GRIP1: variants seen among roughly 807,000 people sequenced by gnomAD.
GRIP1 encodes glutamate receptor-interacting protein 1.
Under a neutral mutation model 129.9 loss-of-function variants are expected in GRIP1, and 45 were observed. The observed-to-expected ratio is 0.35, with a 90% CI of 0.27 to 0.44. GRIP1 has a LOEUF of 0.44. GRIP1 is among the 20% of genes least tolerant of loss of function. GRIP1 has a pLI of 1.00. For synonymous variants in GRIP1, 530 were observed against 520.8 expected (o/e 1.02, Z -0.24); for missense variants, 1,196 against 1,396.8 (o/e 0.86, Z 2.29).
chr12:66,616,916 C>T (rs2065060892), intron 1 of GRIP1, among the ~76,000 whole-genome samples: 1 of 152,050 alleles, frequency 6.6e-6, no homozygotes, highest in African/African-American at 2.4e-5. Flanking sequence ...CAGATGTGAA[C>T]GGAAACCAAA....
At chr12:66,695,885 G>A (rs2035139757) in intron 1 of GRIP1, among the ~76,000 whole-genome samples, 1 of 152,114 alleles carries the variant, frequency 6.6e-6, no homozygotes, top group Non-Finnish European at 1.5e-5. Context: ...GATAAATGAG[G>A]CAGTAGGAAA....
intron 7 of GRIP1, among the ~76,000 whole-genome samples, chr12:66,489,322 T>C (rs1397294332): frequency 1.3e-5 from 2 of 152,130 alleles, no homozygotes; most frequent in Admixed American, 1.3e-4. Context: ...TGGTTTAACA[T>C]ATGAAAATCA....
chr12:66,957,176 A>G (rs1197438562), intron 1 of GRIP1, among the ~76,000 whole-genome samples: 1 of 152,162 alleles, frequency 6.6e-6, no homozygotes, highest in Non-Finnish European at 1.5e-5. Context: ...TGTTCTAAAA[A>G]GAGGATATCA....
intron 13 of GRIP1, among the ~76,000 whole-genome samples, chr12:66,440,537 C>T (rs2058443839): frequency 1.3e-5 from 2 of 152,148 alleles, no homozygotes; most frequent in South Asian, 4.1e-4. Flanking sequence ...TAATTTTTAG[C>T]TCCCACAGTT....
At chr12:66,883,075 T>G (rs1399344465) in intron 1 of GRIP1, among the ~76,000 whole-genome samples, 1 of 152,166 alleles carries the variant, frequency 6.6e-6, no homozygotes, top group Non-Finnish European at 1.5e-5. Context: ...TCTGCTTTGT[T>G]CATTTCTATT....
chr12:66,925,414 T>A (rs1042213122), intron 1 of GRIP1, among the ~76,000 whole-genome samples: 8 of 151,612 alleles, frequency 5.3e-5, no homozygotes, highest in Non-Finnish European at 1.0e-4. Context: ...GTATGGCCTA[T>A]GAGAAGTACA....
At chr12:66,820,546 C>G (rs997067656) in intron 1 of GRIP1, among the ~76,000 whole-genome samples, 5 of 152,078 alleles carry the variant, frequency 3.3e-5, no homozygotes, top group African/African-American at 9.7e-5. Context: ...ATGTACAAAC[C>G]TGCACATGGA....
chr12:66,778,118 TA>T (rs1272852245), intron 1 of GRIP1, among the ~76,000 whole-genome samples: 1 of 152,224 alleles, frequency 6.6e-6, no homozygotes, highest in Non-Finnish European at 1.5e-5. Context: ...ACTGGTATAA[TA>T]AAATACATCA....
chr12:66,652,954 A>C (rs970608211), intron 1 of GRIP1, among the ~76,000 whole-genome samples: 19 of 152,240 alleles, frequency 1.2e-4, no homozygotes, highest in Non-Finnish European at 2.1e-4. Flanking sequence ...CAGTTGCTTT[A>C]CTTGAAAGAC....
intron 1 of GRIP1, among the ~76,000 whole-genome samples, chr12:66,662,960 CT>C (rs1011917082): frequency 1.3e-5 from 2 of 152,152 alleles, no homozygotes; most frequent in African/African-American, 2.4e-5. Flanking sequence ...GCTATCAATG[CT>C]TTTTCAAAGG....
chr12:66,812,166 C>T (rs546091216), intron 1 of GRIP1, among the ~76,000 whole-genome samples: 7 of 152,278 alleles, frequency 4.6e-5, no homozygotes, highest in African/African-American at 1.7e-4. Context: ...TGGAGTATCA[C>T]TCTGTCACTC....
intron 2 of GRIP1, among the ~76,000 whole-genome samples, chr12:66,594,501 T>C (rs889699515): frequency 6.6e-6 from 1 of 152,200 alleles, no homozygotes; most frequent in Non-Finnish European, 1.5e-5. Flanking sequence ...TATTACTTTT[T>C]TTAGTTCATC....
At chr12:66,943,996 G>A (rs899818126) in intron 1 of GRIP1, among the ~76,000 whole-genome samples, 5 of 152,150 alleles carry the variant, frequency 3.3e-5, no homozygotes, top group African/African-American at 4.8e-5. Flanking sequence ...TTTCACCGAT[G>A]TCCTGAAATA....
chr12:66,767,077 T>C (rs1049147727), intron 1 of GRIP1, among the ~76,000 whole-genome samples: 24 of 152,204 alleles, frequency 1.6e-4, no homozygotes, highest in African/African-American at 5.5e-4. Flanking sequence ...GAAATGATTT[T>C]TTTTGTCATT....
intron 2 of GRIP1, among the ~76,000 whole-genome samples, chr12:66,562,293 G>A (rs1412510288): frequency 6.6e-6 from 1 of 152,120 alleles, no homozygotes; most frequent in East Asian, 1.9e-4. Context: ...CTGAACCAGT[G>A]TCACTGATGT....
intron 1 of GRIP1, among the ~76,000 whole-genome samples, chr12:66,973,284 A>G (rs532407536): frequency 2.0e-5 from 3 of 151,504 alleles, no homozygotes; most frequent in South Asian, 2.1e-4. Flanking sequence ...CACATTATGT[A>G]GGTTATTCAG....
intron 7 of GRIP1, among the ~76,000 whole-genome samples, chr12:66,479,155 AATAG>A (rs777326531): frequency 2.2e-4 from 34 of 151,944 alleles, no homozygotes; most frequent in African/African-American, 6.8e-4. Context: ...AGATTAACAA[AATAG>A]ATAGACCACT....
intron 5 of GRIP1, among the ~76,000 whole-genome samples, chr12:66,519,172 A>C (rs2060930723): frequency 6.6e-6 from 1 of 152,260 alleles, no homozygotes; most frequent in Non-Finnish European, 1.5e-5. Flanking sequence ...ACAGTTCCTC[A>C]GGAAGGCAAA....
intron 1 of GRIP1, among the ~76,000 whole-genome samples, chr12:66,854,674 A>G (rs2039972683): frequency 6.6e-6 from 1 of 152,078 alleles, no homozygotes; most frequent in Non-Finnish European, 1.5e-5. Flanking sequence ...GACAGGAATT[A>G]AAATGCTGCC....
Sources: gnomAD v4.1 joint callset for allele counts (sites outside exome capture counted in the v4.1 genomes callset) on GRCh38, gnomAD v4.1.1 for gene constraint, MANE v1.5 for transcripts, NCBI Gene and HGNC (gene_info 2026-07-23, HGNC 2026-07-21) for gene names.